Variants in LPP observed in about 807,000 individuals in gnomAD.
LPP encodes lipoma-preferred partner.
In LPP, 38 loss-of-function variants were observed where a neutral mutation model predicts 60.4. The ratio of observed to expected loss-of-function variants is 0.63; its 90% CI spans 0.49 to 0.83. The LOEUF is 0.83. LPP is among the 40% of genes least tolerant of loss of function. LPP has a pLI of 0.00. For synonymous variants in LPP, 328 were observed against 290.8 expected (o/e 1.13, Z -1.30); for missense variants, 902 against 783.6 (o/e 1.15, Z -1.80).
At chr3:188,206,851 G>A (rs1733370315) in intron 1 of LPP, among the ~76,000 whole-genome samples, 1 of 152,150 alleles carries the variant, frequency 6.6e-6, no homozygotes, top group Non-Finnish European at 1.5e-5. Context: ...GGGAGTGAGA[G>A]TGCCTAGTTC....
At chr3:188,527,671 T>C (rs1003125599) in intron 6 of LPP, among the ~76,000 whole-genome samples, 1 of 151,976 alleles carries the variant, frequency 6.6e-6, no homozygotes. Flanking sequence ...AAATCTCATC[T>C]CATATCTGAA....
chr3:188,811,789 C>T lies in LPP; in HGVS notation c.1410+51507C>T, dbSNP rs141517920. Among the ~76,000 whole-genome samples the T allele has an allele frequency of 1.2e-4, 18 of 152,128 alleles. 1 individual carries two copies. In the East Asian group the frequency reaches 2.9e-3, roughly 24 times the overall value. On this transcript the variant is annotated intron_variant, in intron 9 of 11. Transcript: ENST00000617246. ...ATGAGATCTCTCAGTTACACTGAAA[C>T]GTTTGAGTATTGGAACATTGTGCTT...
chr3:188,432,283 AT>A (rs1228648292), intron 4 of LPP, among the ~76,000 whole-genome samples: 1 of 152,172 alleles, frequency 6.6e-6, no homozygotes, highest in Non-Finnish European at 1.5e-5. Flanking sequence ...TCCAAAGTCT[AT>A]ACAAAAATAT....
chr3:188,518,753 A>G (rs1818084412), intron 5 of LPP, among the ~76,000 whole-genome samples: 1 of 152,150 alleles, frequency 6.6e-6, no homozygotes, highest in Non-Finnish European at 1.5e-5. Flanking sequence ...TGGGCATTGG[A>G]TCTAATTCTA....
At chr3:188,762,900 T>G (rs1270820058) in intron 9 of LPP, among the ~76,000 whole-genome samples, 1 of 152,154 alleles carries the variant, frequency 6.6e-6, no homozygotes, top group East Asian at 1.9e-4. Context: ...CAAAGACCCT[T>G]GTTCAATATT....
rs1471173509 is a variant in LPP, at chr3:188,878,924, GTTT to G, written c.*4449_*4451del. Reference sequence around the variant, plus strand: ...AGAAGGTGATATAATGGATGTTAGTGTTTTTTATTTGATTTTACAGTAGTTTTA... The same window carrying G: ...AGAAGGTGATATAATGGATGTTAGTGTTTATTTGATTTTACAGTAGTTTTA... On this transcript the variant is annotated 3_prime_UTR_variant, in exon 12 of 12. Coordinates refer to ENST00000617246, the MANE Select transcript of LPP (RefSeq NM_001375462.1). The G allele has an allele frequency of 4.4e-6, 1 of 225,400 alleles. No homozygotes were observed. Among genetic ancestry groups the G allele is most frequent in the Non-Finnish European group, 8.8e-6 (1 of 113,266 alleles). The allele number at this position is 225,400 out of a possible 1,614,324, so 14.0% of individuals were successfully genotyped here.
chr3:188,470,166 T>C (rs1289541022), intron 4 of LPP, among the ~76,000 whole-genome samples: 1 of 152,008 alleles, frequency 6.6e-6, no homozygotes, highest in Non-Finnish European at 1.5e-5. Flanking sequence ...TATTTTTTTA[T>C]ATATGTAAGT....
chr3:188,685,870 T>C (rs1315209532), intron 7 of LPP, among the ~76,000 whole-genome samples: 1 of 152,196 alleles, frequency 6.6e-6, no homozygotes, highest in Non-Finnish European at 1.5e-5. Context: ...TACCCATTTA[T>C]GACTTATTTA....
At chr3:188,225,172 G>T (rs987226006) in intron 1 of LPP, among the ~76,000 whole-genome samples, 1 of 152,090 alleles carries the variant, frequency 6.6e-6, no homozygotes, top group African/African-American at 2.4e-5. Context: ...TTAAGATGAA[G>T]CTGTTTTCCC....
intron 7 of LPP, among the ~76,000 whole-genome samples, chr3:188,620,804 C>T (rs1004625908): frequency 2.6e-5 from 4 of 152,168 alleles, no homozygotes; most frequent in Non-Finnish European, 5.9e-5. Flanking sequence ...AACCTCCCAC[C>T]GCATTTGATT....
intron 4 of LPP, among the ~76,000 whole-genome samples, chr3:188,411,277 G>A (rs188069692): frequency 6.6e-6 from 1 of 152,256 alleles, no homozygotes; most frequent in Admixed American, 6.5e-5. Context: ...TGTTGGCATA[G>A]ATATGGTGAA....
intron 6 of LPP, among the ~76,000 whole-genome samples, chr3:188,594,963 T>C (rs1199253574): frequency 3.3e-5 from 5 of 152,206 alleles, no homozygotes; most frequent in Non-Finnish European, 2.9e-5. Flanking sequence ...CATTATAGCA[T>C]AACAGGATTA....
chr3:188,279,135 T>A (rs1009403602), intron 2 of LPP, among the ~76,000 whole-genome samples: 1 of 152,090 alleles, frequency 6.6e-6, no homozygotes, highest in Non-Finnish European at 1.5e-5. Context: ...TAGTAGGAGA[T>A]CAAGTGGACT....
At chr3:188,541,862 A>G (rs1485107144) in intron 6 of LPP, among the ~76,000 whole-genome samples, 1 of 152,120 alleles carries the variant, frequency 6.6e-6, no homozygotes, top group Admixed American at 6.6e-5. Context: ...GCACCCCTGC[A>G]CTCTAGCCTA....
chr3:188,159,256 C>T (rs573170951), intron 1 of LPP, among the ~76,000 whole-genome samples: 10 of 152,190 alleles, frequency 6.6e-5, no homozygotes, highest in Non-Finnish European at 1.5e-4. Context: ...TCTAGGAAAG[C>T]TTTCTGGCTC....
chr3:188,370,414 A>C (rs6799895), intron 3 of LPP, among the ~76,000 whole-genome samples: 1 of 152,008 alleles, frequency 6.6e-6, no homozygotes, highest in Non-Finnish European at 1.5e-5. Context: ...ACTCTCTAGC[A>C]ATCCCAGGTG....
At chr3:188,496,736 A>G (rs931812201) in intron 5 of LPP, among the ~76,000 whole-genome samples, 9 of 152,140 alleles carry the variant, frequency 5.9e-5, no homozygotes, top group African/African-American at 1.9e-4. Context: ...CAGTAGTTTC[A>G]TTATTTGCTG....
At chr3:188,803,412 G>A (rs1303465171) in intron 9 of LPP, among the ~76,000 whole-genome samples, 1 of 152,142 alleles carries the variant, frequency 6.6e-6, no homozygotes, top group African/African-American at 2.4e-5. Context: ...TATGGCCATA[G>A]TTTATCTTCT....
At chr3:188,726,024 C>A (rs1441689839) in intron 8 of LPP, among the ~76,000 whole-genome samples, 2 of 152,176 alleles carry the variant, frequency 1.3e-5, no homozygotes, top group Admixed American at 6.6e-5. Context: ...GTGGCCAGAT[C>A]AAGAGGGCCT....
Sources: gnomAD v4.1 joint callset for allele counts (sites outside exome capture counted in the v4.1 genomes callset) on GRCh38, gnomAD v4.1.1 for gene constraint, MANE v1.5 for transcripts, NCBI Gene and HGNC (gene_info 2026-07-23, HGNC 2026-07-21) for gene names.